The following SWT1 variants were observed in gnomAD, a reference collection of about 807,000 sequenced individuals.
SWT1 encodes transcriptional protein SWT1.
SWT1 carries 33 observed loss-of-function variants against 107.3 expected under a neutral mutation model. The ratio of observed to expected loss-of-function variants is 0.31; its 90% CI spans 0.23 to 0.41. The LOEUF (loss-of-function observed/expected upper bound fraction) is 0.41, where lower values mean the gene tolerates loss of function less well. Among genes scored for constraint, SWT1 ranks in the 10% least tolerant of loss-of-function variants. The pLI, the probability that SWT1 is intolerant of heterozygous loss-of-function variation, is 1.00. For synonymous variants in SWT1, 345 were observed against 348.3 expected (o/e 0.99, Z 0.11); for missense variants, 898 against 1,028.9 (o/e 0.87, Z 1.74).
At chr1:185,221,059 AC>A (rs1195030000) in intron 14 of SWT1, among the ~76,000 whole-genome samples, 3 of 148,052 alleles carry the variant, frequency 2.0e-5, no homozygotes, top group Admixed American at 2.0e-4. Flanking sequence ...AGACACACAC[AC>A]ACACACACAC....
At chr1:185,273,517 A>G (rs992248367) in intron 17 of SWT1, among the ~76,000 whole-genome samples, 6 of 152,066 alleles carry the variant, frequency 3.9e-5, no homozygotes, top group Non-Finnish European at 8.8e-5. Flanking sequence ...CCTGGCCAAC[A>G]TAGTGAAACC....
intron 16 of SWT1, among the ~76,000 whole-genome samples, chr1:185,265,534 G>A (rs1039425334): frequency 1.3e-5 from 2 of 152,034 alleles, no homozygotes; most frequent in East Asian, 1.9e-4. Flanking sequence ...TGATAATATC[G>A]TTCAGACATG....
intron 17 of SWT1, among the ~76,000 whole-genome samples, chr1:185,275,184 C>A (rs142263711): frequency 1.3e-5 from 2 of 152,000 alleles, no homozygotes; most frequent in Non-Finnish European, 2.9e-5. Flanking sequence ...ATGGATCATT[C>A]GCTTCATCCT....
intron 5 of SWT1, among the ~76,000 whole-genome samples, chr1:185,175,991 A>G (rs1297740675): frequency 6.6e-6 from 1 of 152,198 alleles, no homozygotes; most frequent in Non-Finnish European, 1.5e-5. Context: ...ATTAGTTTAG[A>G]AAGGTATACT....
At chr1:185,157,441 C>T in intron 1 of SWT1, 127 bp downstream of exon 1, 1 of 152,042 alleles carries the variant, frequency 6.6e-6, no homozygotes, top group Non-Finnish European at 1.5e-5. Context: ...CTGGGCGGGG[C>T]GACTCTGTGG....
At chr1:185,272,141 G>C (rs16823891) in intron 17 of SWT1, among the ~76,000 whole-genome samples, 5,979 of 152,272 alleles carry the variant, frequency 0.039, 284 homozygotes, top group African/African-American at 0.096. Context: ...TTGAGAAATA[G>C]TTATTACTGG....
At chr1:185,208,481 A>G (rs2102475219) in intron 13 of SWT1, among the ~76,000 whole-genome samples, 1 of 152,306 alleles carries the variant, frequency 6.6e-6, no homozygotes, top group Non-Finnish European at 1.5e-5. Flanking sequence ...CGTATTGTGT[A>G]TTTCAAAATA....
At chr1:185,250,944 T>G (rs193295042) in intron 16 of SWT1, among the ~76,000 whole-genome samples, 1 of 152,342 alleles carries the variant, frequency 6.6e-6, no homozygotes, top group Non-Finnish European at 1.5e-5. Flanking sequence ...ATTACAGGTA[T>G]GAGCCACTGC....
At chr1:185,251,316 T>C (rs1662000712) in intron 16 of SWT1, 1 of 152,816 alleles carries the variant, frequency 6.5e-6, no homozygotes, top group African/African-American at 2.4e-5. Context: ...TTGTTCAGGC[T>C]GGTCTGAGTG....
chr1:185,259,967 A>G (rs993811042), intron 16 of SWT1, among the ~76,000 whole-genome samples: 1 of 152,172 alleles, frequency 6.6e-6, no homozygotes, highest in Non-Finnish European at 1.5e-5. Flanking sequence ...TTTGCAAACC[A>G]TCTCTTAGGG....
Position 185,222,021 on chromosome 1 carries a change from C to T in SWT1, c.2294C>T (p.Thr765Ile). 6.4e-7 allele frequency: 1 copy of T among 1,560,376 alleles called. No individual in the cohort carries two copies. The highest frequency in any genetic ancestry group is 8.6e-7 in the Non-Finnish European group (1 of 1,160,344). Residue 765 changes from threonine (T) to isoleucine (I), a missense_variant, in exon 15 of 19, where the codon ACA becomes ATA. Coordinates refer to ENST00000367500, the MANE Select transcript of SWT1 (RefSeq NM_017673.7). ...IWSILESVWI[T>I]IYQNSTDVFQ... ...TCTATCCTAGAGAGTGTTTGGATTA[C>T]AATATATCAGAACAGGTACTAAATT...
At chr1:185,178,622 C>T (rs1655766268) in intron 5 of SWT1, among the ~76,000 whole-genome samples, 1 of 152,068 alleles carries the variant, frequency 6.6e-6, no homozygotes, top group Non-Finnish European at 1.5e-5. Flanking sequence ...ATTGTAGTCA[C>T]TGTAGGTGGC....
chr1:185,207,290 G>C (rs550644889), intron 13 of SWT1, among the ~76,000 whole-genome samples: 41 of 152,176 alleles, frequency 2.7e-4, no homozygotes, highest in Non-Finnish European at 4.7e-4. Context: ...CAACTTAGTT[G>C]TTTTTTAAAC....
At chr1:185,178,072 A>G (rs1655714724) in intron 5 of SWT1, among the ~76,000 whole-genome samples, 2 of 152,194 alleles carry the variant, frequency 1.3e-5, no homozygotes, top group East Asian at 1.9e-4. Flanking sequence ...CAGTCCTACA[A>G]ATTGGGTGTG....
intron 13 of SWT1, among the ~76,000 whole-genome samples, chr1:185,210,698 G>A (rs1269673279): frequency 1.3e-5 from 2 of 152,034 alleles, no homozygotes; most frequent in Non-Finnish European, 2.9e-5. Context: ...TCTGGCCCGG[G>A]CACTCAGACA....
At chr1:185,204,200 C>T (rs1658118469) in intron 11 of SWT1, among the ~76,000 whole-genome samples, 1 of 151,900 alleles carries the variant, frequency 6.6e-6, no homozygotes, top group African/African-American at 2.4e-5. Flanking sequence ...ATCTCTTGAA[C>T]TCAGGAGGCA....
intron 12 of SWT1, among the ~76,000 whole-genome samples, chr1:185,205,496 G>A (rs948637517): frequency 2.0e-5 from 3 of 152,132 alleles, no homozygotes; most frequent in Non-Finnish European, 4.4e-5. Context: ...AGCCCCCCAA[G>A]CAGCTGGGAT....
chr1:185,178,073 A>G (rs1655714963), intron 5 of SWT1, among the ~76,000 whole-genome samples: 1 of 152,212 alleles, frequency 6.6e-6, no homozygotes, highest in African/African-American at 2.4e-5. Flanking sequence ...AGTCCTACAA[A>G]TTGGGTGTGA....
intron 16 of SWT1, among the ~76,000 whole-genome samples, chr1:185,256,978 C>G (rs191614526): frequency 4.6e-5 from 7 of 152,064 alleles, no homozygotes; most frequent in Middle Eastern, 3.2e-3. Context: ...GTCCTTTCTG[C>G]TTGTTAGTTT....
Sources: gnomAD v4.1 joint callset for allele counts (sites outside exome capture counted in the v4.1 genomes callset) on GRCh38, gnomAD v4.1.1 for gene constraint, MANE v1.5 for transcripts, NCBI Gene and HGNC (gene_info 2026-07-23, HGNC 2026-07-21) for gene names.